The following APOB variants were observed in gnomAD, a reference collection of about 807,000 sequenced individuals.
APOB encodes apolipoprotein B-100.
In APOB, 153 loss-of-function variants were observed where a neutral mutation model predicts 314.1. The ratio of observed to expected loss-of-function variants is 0.49; its 90% CI spans 0.43 to 0.56. The LOEUF (loss-of-function observed/expected upper bound fraction) is 0.56. Among genes scored for constraint, APOB ranks in the 20% least tolerant of loss-of-function variants. APOB has a pLI of 0.00. For synonymous variants in APOB, 2,087 were observed against 2,036.4 expected, an observed-to-expected ratio of 1.02 and a Z score of -0.67; for missense variants, 5,430 against 5,350.7, an observed-to-expected ratio of 1.01 and a Z score of -0.46.
chr2:21,013,057 T>C (rs1200672332), intron 25 of APOB, 103 bp downstream of exon 25: 2 of 1,399,604 alleles, frequency 1.4e-6, no homozygotes, highest in Non-Finnish European at 2.0e-6. Flanking sequence ...GCAAGGAAGA[T>C]TATCTGCTAG....
chr2:21,021,128 G>T (rs10199768), intron 18 of APOB, among the ~76,000 whole-genome samples: 52,846 of 152,072 alleles, frequency 0.35, 10,025 homozygotes, highest in Non-Finnish European at 0.44. Context: ...TTCATAGGAG[G>T]ACATCAAATA....
Position 21,043,880 on chromosome 2 carries a change from C to T in APOB, c.66G>A (p.Leu22=). ...LALPALLLLL[L]AGARAEEEML... ...CGCACTCACCGGCCCTGGCGCCCGC[C>T]AGCAGCAGCAGCAGCAGCGCAGGCA... The change falls in exon 1 of 29, where the codon CTG becomes CTA. Residue 22 remains leucine, a synonymous_variant. Transcript: ENST00000233242. The T allele has an allele frequency of 1.6e-6, 2 of 1,266,546 alleles. No homozygotes were observed. The highest frequency in any genetic ancestry group is 2.1e-6 in the Non-Finnish European group (2 of 959,856). 78.5% of individuals were successfully genotyped at this position (1,266,546 alleles called of 1,614,324 possible).
chr2:21,032,812 C>T (rs1043084178), intron 9 of APOB, among the ~76,000 whole-genome samples: 3 of 152,192 alleles, frequency 2.0e-5, no homozygotes, highest in African/African-American at 7.2e-5. Flanking sequence ...TCTGTAGCAA[C>T]AAGAAGACTG....
In APOB at chr2:21,029,711, T is replaced by C. The variant is rs563967093; in HGVS notation, c.1545A>G (p.Gln515=). The C allele has an allele frequency of 3.7e-6, 6 of 1,614,198 alleles. No individual in the cohort carries two copies. The African/African-American group carries it at 5.3e-5, about 14-fold the overall frequency. The change falls in exon 12 of 29, where the codon CAA becomes CAG. Residue 515 remains glutamine, a synonymous_variant. Transcript: ENST00000233242. ...ELKSSILKCV[Q]STKPSLMIQK... is the part of the protein sequence containing the mutation. ...GGATCATCAGTGATGGCTTTGTACT[T>C]TGGACACATTTCAGGATTGAAGACT...
chr2:21,023,679 A>C lies in APOB; in HGVS notation c.2450T>G (p.Ile817Ser). ...AAAGTCATTCTTTGAGCCCTTCCTG[A>C]TGACCTCTCCAATCTGTAGACCCAA... is the stretch of plus-strand genomic sequence containing the variant. Reference protein sequence around the residue: ...QGIPQMIGEVIRKGSKNDFFL... With the variant: ...QGIPQMIGEVSRKGSKNDFFL... Residue 817 changes from isoleucine to serine, a missense_variant, in exon 17 of 29, where the codon ATC becomes AGC. Ile to Ser is a moderately radical substitution (Grantham distance 142, BLOSUM62 -2). This residue lies in a region of APOB where 2,085 missense variants were observed against 2,079.7 expected (regional missense o/e 1.00). Transcript: ENST00000233242. 1 of 1,611,344 alleles carries C rather than the reference A, an allele frequency of 6.2e-7. No homozygotes were observed. Among genetic ancestry groups the C allele is most frequent in the Non-Finnish European group, 8.5e-7 (1 of 1,177,650 alleles).
intron 20 of APOB, among the ~76,000 whole-genome samples, 159 bp downstream of exon 20, chr2:21,018,833 T>C (rs886172394): frequency 2.6e-5 from 4 of 152,258 alleles, no homozygotes; most frequent in African/African-American, 7.2e-5. Flanking sequence ...CTGCCGCTTA[T>C]TGGGTACTCA....
intron 10 of APOB, among the ~76,000 whole-genome samples, chr2:21,031,218 G>C (rs1048384836): frequency 1.3e-5 from 2 of 152,178 alleles, no homozygotes; most frequent in Non-Finnish European, 2.9e-5. Context: ...TCTATCAATG[G>C]ACGATTGGAT....
rs1663538168 is a variant in APOB, at chr2:21,019,034, T to C, written c.3079A>G (p.Arg1027Gly). ...AACTTCAGGGTATCCACCAAGGCTC[T>C]GTCCTCTCTCTGGAGCTCATAGGTT... ...SATYELQRED[R>G]ALVDTLKFVT... Residue 1027 changes from arginine (R) to glycine (G), a missense_variant, in exon 20 of 29, where the codon AGA becomes GGA. By Grantham distance (125) the Arg-to-Gly change is moderately radical. This residue lies in a region of APOB where 2,085 missense variants were observed against 2,079.7 expected (regional missense o/e 1.00). Coordinates refer to ENST00000233242, the MANE Select transcript of APOB (RefSeq NM_000384.3). 6.2e-7 allele frequency: 1 copy of C among 1,613,998 alleles called. No individual in the cohort carries two copies. Among genetic ancestry groups the C allele is most frequent in the African/African-American group, 1.3e-5 (1 of 74,916 alleles).
At position 21,005,117 on chromosome 2, in the gene APOB, G is replaced by A. The variant is rs779740176; in HGVS notation, c.11751C>T (p.Cys3917=). The change falls in exon 26 of 29, where the codon TGC becomes TGT. Residue 3917 remains cysteine, a synonymous_variant. Coordinates refer to ENST00000233242, the MANE Select transcript of APOB (RefSeq NM_000384.3). The part of the protein sequence containing the change: ...DYVETVLDST[C]SSTVQFLEYE... ...ATTCTAGGAACTGTACGGTTGAGCT[G>A]CATGTGGAATCCAGGACTGTTTCAA... The A allele has an allele frequency of 6.2e-7, 1 of 1,613,972 alleles. No homozygotes were observed. Among genetic ancestry groups the A allele is most frequent in the South Asian group, 1.1e-5 (1 of 91,088 alleles).
rs981221350 is a variant in APOB, at chr2:21,037,317, G to A, written c.538-62C>T. 3 of 1,523,406 alleles carry A rather than the reference G, an allele frequency of 2.0e-6. No homozygotes were observed. In the African/African-American group the frequency reaches 4.1e-5, roughly 21 times the overall value. 94.4% of individuals were successfully genotyped at this position (1,523,406 alleles called of 1,614,324 possible). On this transcript the variant is annotated intron_variant, in intron 5 of 28. Transcript: ENST00000233242. ...ACGGGCAACATCCTTGGGTACTTGG[G>A]AGGGATGGGGTGGGGATCGTGAAAG... is the stretch of plus-strand genomic sequence containing the variant.
At chr2:21,025,562 G>A (rs1250319692) in intron 15 of APOB, among the ~76,000 whole-genome samples, 1 of 152,108 alleles carries the variant, frequency 6.6e-6, no homozygotes, top group Non-Finnish European at 1.5e-5. Context: ...TCCTAGACAA[G>A]TTCTTCTCAG....
In APOB at chr2:21,010,914, G is replaced by T. The variant is rs778618250; in HGVS notation, c.5954C>A (p.Thr1985Asn). Reference protein sequence around the residue: ...AEQTGTWKLKTQFNNNEYSQD... With the variant: ...AEQTGTWKLKNQFNNNEYSQD... ...GCTGTATTCATTGTTGTTAAATTGG[G>T]TCTTGAGTTTCCAGGTGCCTGTCTG... Residue 1985 changes from threonine (T) to asparagine (N), a missense_variant, in exon 26 of 29, where the codon ACC becomes AAC. By Grantham distance (65) the Thr-to-Asn change is moderately conservative. Transcript: ENST00000233242. 6.2e-7 allele frequency: 1 copy of T among 1,614,082 alleles called. No homozygotes were observed. The highest frequency in any genetic ancestry group is 8.5e-7 in the Non-Finnish European group (1 of 1,179,982).
intron 18 of APOB, among the ~76,000 whole-genome samples, chr2:21,020,122 C>T (rs953128325): frequency 2.0e-5 from 3 of 152,124 alleles, no homozygotes; most frequent in Non-Finnish European, 4.4e-5. Context: ...GAGTTCTTTC[C>T]ATCTGTTACC....
chr2:21,017,873 A>T (rs1194073331), intron 20 of APOB, among the ~76,000 whole-genome samples: 1 of 152,114 alleles, frequency 6.6e-6, no homozygotes, highest in Non-Finnish European at 1.5e-5. Flanking sequence ...TAATTCTGTG[A>T]TATGCTATCC....
At chr2:21,017,946 C>T (rs1317113339) in intron 20 of APOB, among the ~76,000 whole-genome samples, 8 of 152,166 alleles carry the variant, frequency 5.3e-5, no homozygotes, top group African/African-American at 4.8e-5. Flanking sequence ...ACCTGCTCCT[C>T]GCTATCCCTA....
At chr2:21,004,159 G>A in intron 28 of APOB, 110 bp downstream of exon 28, 1 of 1,177,206 alleles carries the variant, frequency 8.5e-7, no homozygotes, top group Middle Eastern at 2.0e-4. Context: ...CTTACCGCCT[G>A]TCTTTCACCT....
At chr2:21,035,215 A>C (rs528996218) in intron 7 of APOB, among the ~76,000 whole-genome samples, 2 of 152,136 alleles carry the variant, frequency 1.3e-5, no homozygotes, top group Non-Finnish European at 2.9e-5. Context: ...GCAGTTACTC[A>C]ATATATATTC....
rs747075344 is a variant in APOB, at chr2:21,011,904, C to T, written c.4964G>A (p.Ser1655Asn). The T allele has an allele frequency of 1.2e-6, 2 of 1,613,970 alleles. No individual in the cohort carries two copies. Among genetic ancestry groups the T allele is most frequent in the Non-Finnish European group, 1.7e-6 (2 of 1,180,016 alleles). The change falls in exon 26 of 29, where the codon AGT becomes AAT. Residue 1655 changes from serine to asparagine, a missense_variant. Ser to Asn is a conservative substitution (Grantham distance 46, BLOSUM62 1). Transcript: ENST00000233242. Reference protein sequence around the residue: ...LRIGQDGISTSATTNLKCSLL... With the variant: ...LRIGQDGISTNATTNLKCSLL... ...ACTACACTTCAAGTTGGTCGTTGCA[C>T]TGGTAGATATTCCATCTTGGCCAAT...
rs1245590542 is a variant in APOB, at chr2:21,043,875, C to T, written c.71G>A (p.Gly24Asp). The T allele has an allele frequency of 6.0e-6, 9 of 1,494,282 alleles. No individual in the cohort carries two copies. The East Asian group carries it at 1.4e-4, about 23-fold the overall frequency. The allele number at this position is 1,494,282 out of a possible 1,614,324, so 92.6% of individuals were successfully genotyped here. ...LPALLLLLLAGARAEEEMLEN... is the reference protein window; with the variant it reads ...LPALLLLLLADARAEEEMLEN... ...GGCCGCGCACTCACCGGCCCTGGCG[C>T]CCGCCAGCAGCAGCAGCAGCAGCGC... is the stretch of plus-strand genomic sequence containing the variant. Residue 24 changes from glycine to aspartate, a missense_variant, in exon 1 of 29, where the codon GGC (glycine) becomes GAC (aspartate). Physicochemically the swap from Gly to Asp is moderately conservative, Grantham distance 94 (BLOSUM62 -1). Transcript: ENST00000233242.
Sources: allele counts gnomAD v4.1 joint callset (sites outside exome capture counted in the v4.1 genomes callset), GRCh38; gene constraint gnomAD v4.1.1; regional missense constraint gnomAD v4.1.1; transcripts MANE v1.5; gene names NCBI Gene and HGNC (gene_info 2026-07-23, HGNC 2026-07-21).